Variants in GALNT17 observed in about 807,000 individuals in gnomAD.
The protein encoded by GALNT17 is polypeptide N-acetylgalactosaminyltransferase 17, also known as UDP-GalNAc:polypeptide N-acetylgalactosaminyltransferase-like 3.
Under a neutral mutation model 63.7 loss-of-function variants are expected in GALNT17, and 29 were observed. The observed-to-expected ratio is 0.46, with a 90% CI of 0.34 to 0.62. The LOEUF (loss-of-function observed/expected upper bound fraction) is 0.62. Among genes scored for constraint, GALNT17 ranks in the 20% least tolerant of loss-of-function variants. The probability of loss-of-function intolerance (pLI) is 0.01; values close to 1 mark genes in which losing one functional copy is unlikely to be tolerated. For synonymous variants in GALNT17, 305 were observed against 318.3 expected (o/e 0.96, Z 0.45); for missense variants, 603 against 799.6 (o/e 0.75, Z 2.97).
At chr7:71,411,570 C>T (rs1013433785) in intron 3 of GALNT17, among the ~76,000 whole-genome samples, 3 of 152,214 alleles carry the variant, frequency 2.0e-5, no homozygotes, top group Non-Finnish European at 2.9e-5. Context: ...GGTTTCTCTC[C>T]GTTTTCAAAT....
In GALNT17 at chr7:71,712,270, G is replaced by A; in HGVS notation, c.*124G>A. 7.2e-7 allele frequency: 1 copy of A among 1,386,582 alleles called. No individual in the cohort carries two copies. Among genetic ancestry groups the A allele is most frequent in the Non-Finnish European group, 9.6e-7 (1 of 1,045,338 alleles). The allele number at this position is 1,386,582 out of a possible 1,614,324, so 85.9% of individuals were successfully genotyped here. ...GCAGGTGCTCGATGGGCCCCCCAGG[G>A]CTTCTCCAGGGCAGCACAGGGACCC... On this transcript the variant is annotated 3_prime_UTR_variant, in exon 11 of 11. Coordinates refer to ENST00000333538, the MANE Select transcript of GALNT17 (RefSeq NM_022479.3).
intron 5 of GALNT17, among the ~76,000 whole-genome samples, chr7:71,469,839 C>T (rs1787598806): frequency 6.6e-6 from 1 of 152,182 alleles, no homozygotes; most frequent in Admixed American, 6.5e-5. Context: ...GAAAATATGA[C>T]TTTTTCACAC....
Position 71,712,027 on chromosome 7 carries a change from A to G in GALNT17, c.1678A>G (p.Ile560Val), listed in dbSNP as rs760166175. The G allele has an allele frequency of 1.9e-6, 3 of 1,613,636 alleles. No homozygotes were observed. In the South Asian group the frequency reaches 3.3e-5, roughly 18 times the overall value. Residue 560 changes from isoleucine to valine, a missense_variant, in exon 11 of 11, where the codon ATC (isoleucine) becomes GTC (valine). Ile to Val is a conservative substitution (Grantham distance 29). Transcript: ENST00000333538. The stretch of plus-strand genomic sequence containing the variant: ...TTTTGCCCCCTCCCAGAATGGAGCC[A>G]TCATGAACAAGGGCACGGGACGCTG... The part of the protein sequence containing the change: ...KRWNFIQNGA[I>V]MNKGTGRCLE...
chr7:71,477,105 T>C (rs1449595361), intron 5 of GALNT17, among the ~76,000 whole-genome samples: 4 of 152,194 alleles, frequency 2.6e-5, no homozygotes, highest in African/African-American at 9.7e-5. Flanking sequence ...ATGTAAGTTT[T>C]AGTGATACTA....
rs544205204 is a variant in GALNT17 at position 71,654,254 on chromosome 7, C to T, written c.1081-11157C>T. On this transcript the variant is annotated intron_variant, in intron 6 of 10. Coordinates refer to ENST00000333538, the MANE Select transcript of GALNT17 (RefSeq NM_022479.3). ...ATGGTCTCCATCTCCTGACGTGATC[C>T]GCCCGCCTCCAGCCTTGTGATCGGC... is the stretch of plus-strand genomic sequence containing the variant. 1.9e-3 allele frequency among the ~76,000 whole-genome samples: 283 copies of T among 152,200 alleles called. 5 individuals carry two copies. The highest frequency in any genetic ancestry group is 6.6e-4 in the Non-Finnish European group (45 of 68,022).
chr7:71,673,202 A>T (rs1791097618), intron 8 of GALNT17, among the ~76,000 whole-genome samples: 1 of 152,218 alleles, frequency 6.6e-6, no homozygotes, highest in Admixed American at 6.5e-5. Flanking sequence ...ATCCCAAGCA[A>T]ATAATCTGAA....
intron 6 of GALNT17, among the ~76,000 whole-genome samples, chr7:71,573,815 C>G (rs551699035): frequency 6.6e-6 from 1 of 152,186 alleles, no homozygotes; most frequent in Admixed American, 6.5e-5. Flanking sequence ...AGTTTTGATC[C>G]TCACCCTCCT....
intron 1 of GALNT17, among the ~76,000 whole-genome samples, chr7:71,134,383 G>T (rs777486681): frequency 6.6e-6 from 1 of 152,214 alleles, no homozygotes; most frequent in African/African-American, 2.4e-5. Context: ...TGTCTTCACT[G>T]TGGTGGCAAG....
chr7:71,221,908 A>ATTTTTTTTTTTTTTTTTTTTTTTT, intron 1 of GALNT17, among the ~76,000 whole-genome samples: 1 of 114,684 alleles, frequency 8.7e-6, no homozygotes, highest in Non-Finnish European at 1.8e-5. Flanking sequence ...CCTTATTTAG[A>ATTTTTTTTTTTTTTTTTTTTTTTT]TTTTTTTTTT....
At chr7:71,189,396 T>C (rs748023828) in intron 1 of GALNT17, among the ~76,000 whole-genome samples, 5 of 152,178 alleles carry the variant, frequency 3.3e-5, no homozygotes, top group Non-Finnish European at 7.3e-5. Flanking sequence ...GAAGACAGCT[T>C]TTCCGGGGGT....
Position 71,360,309 on chromosome 7 carries a change from G to A in GALNT17, c.422+24576G>A, listed in dbSNP as rs764910377. 2.6e-5 allele frequency among the ~76,000 whole-genome samples: 4 copies of A among 152,186 alleles called. No homozygotes were observed. In the South Asian group the frequency reaches 6.2e-4, roughly 24 times the overall value. On this transcript the variant is annotated intron_variant, in intron 2 of 10. Coordinates refer to ENST00000333538, the MANE Select transcript of GALNT17 (RefSeq NM_022479.3). ...AGATATAAATTATGACTACTAACTC[G>A]GATAAGATGTGATCTCTACCATCAT...
At chr7:71,335,791 C>T (rs1190815108) in intron 2 of GALNT17, 58 bp downstream of exon 2, 5 of 1,347,818 alleles carry the variant, frequency 3.7e-6, no homozygotes, top group Non-Finnish European at 3.9e-6. Flanking sequence ...GGGTGTAGAC[C>T]CCTACGTTTG....
At chr7:71,230,970 G>C (rs1789777903) in intron 1 of GALNT17, among the ~76,000 whole-genome samples, 1 of 152,118 alleles carries the variant, frequency 6.6e-6, no homozygotes, top group African/African-American at 2.4e-5. Context: ...CTCTGTGTCT[G>C]AACAAGCCCT....
At chr7:71,528,239 A>G (rs1168329447) in intron 5 of GALNT17, among the ~76,000 whole-genome samples, 1 of 152,224 alleles carries the variant, frequency 6.6e-6, no homozygotes, top group Admixed American at 6.5e-5. Context: ...TTAGACCAAC[A>G]TAGCACACCT....
chr7:71,425,930 T>A (rs943117294), intron 5 of GALNT17, among the ~76,000 whole-genome samples: 6 of 152,040 alleles, frequency 3.9e-5, no homozygotes, highest in African/African-American at 1.4e-4. Flanking sequence ...AATCTTACAG[T>A]CATGGCAGAA....
At chr7:71,329,754 C>A (rs1213748074) in intron 1 of GALNT17, among the ~76,000 whole-genome samples, 4 of 151,894 alleles carry the variant, frequency 2.6e-5, no homozygotes, top group Non-Finnish European at 5.9e-5. Context: ...GAAATTCGAC[C>A]CCATGATGTA....
chr7:71,282,382 A>C (rs1351222476), intron 1 of GALNT17, among the ~76,000 whole-genome samples: 4 of 152,244 alleles, frequency 2.6e-5, no homozygotes, highest in Non-Finnish European at 5.9e-5. Flanking sequence ...ATGAAGGAAC[A>C]GCAGTGAAGG....
At chr7:71,391,646 C>G (rs1793053428) in intron 3 of GALNT17, among the ~76,000 whole-genome samples, 1 of 151,868 alleles carries the variant, frequency 6.6e-6, no homozygotes, top group African/African-American at 2.4e-5. Context: ...TCATGCCTAG[C>G]TAATTTATAT....
chr7:71,574,296 G>A (rs567082984), intron 6 of GALNT17, among the ~76,000 whole-genome samples: 1 of 152,310 alleles, frequency 6.6e-6, no homozygotes, highest in East Asian at 1.9e-4. Context: ...GGTCCCTGCA[G>A]AGCCCAGTCT....
Sources: gnomAD v4.1 joint callset for allele counts (sites outside exome capture counted in the v4.1 genomes callset) on GRCh38, gnomAD v4.1.1 for gene constraint, MANE v1.5 for transcripts, NCBI Gene and HGNC (gene_info 2026-07-23, HGNC 2026-07-21) for gene names.